DEK: variants seen among roughly 807,000 people sequenced by gnomAD.
DEK encodes the protein protein DEK.
In DEK, 28 loss-of-function variants were observed where a neutral mutation model predicts 46.8. That is an observed-to-expected ratio of 0.60 (90% CI 0.44 to 0.82). DEK has a LOEUF of 0.82. Ranked by LOEUF, DEK falls within the 40% of genes least tolerant of loss-of-function variation. The pLI, the probability that DEK is intolerant of heterozygous loss-of-function variation, is 0.00. For missense variants in DEK, 416 were observed against 430.6 expected (o/e 0.97, Z 0.30); for synonymous variants, 160 against 144.5 (o/e 1.11, Z -0.77).
In DEK at chr6:18,230,893, G is replaced by C. The variant is rs868787009; in HGVS notation, c.1048-4651C>G. The stretch of plus-strand genomic sequence containing the variant: ...CAAGCGGACCTAACAGACATCTACA[G>C]AACTCTCCACCCCAAATCAACAGAA... On this transcript the variant is annotated intron_variant, in intron 9 of 10. Transcript: ENST00000652689. Among the ~76,000 whole-genome samples the C allele has an allele frequency of 1.5e-3, 236 of 152,284 alleles. 5 individuals are homozygous for C. The highest frequency in any genetic ancestry group is 0.014 in the Middle Eastern group (4 of 294).
chr6:18,256,590 C>G (rs1791608089), intron 4 of DEK, 135 bp from the exon 5 acceptor site: 1 of 590,014 alleles, frequency 1.7e-6, no homozygotes, highest in Non-Finnish European at 2.9e-6. Flanking sequence ...AACAGTCAAC[C>G]AATTCAATAT....
intron 2 of DEK, among the ~76,000 whole-genome samples, chr6:18,259,790 T>C (rs374324964): frequency 1.1e-3 from 175 of 152,324 alleles, no homozygotes; most frequent in African/African-American, 4.1e-3. Context: ...GCACGTGTGC[T>C]GGCTTTTAAA....
chr6:18,248,921 G>T (rs1791240480), intron 7 of DEK, among the ~76,000 whole-genome samples: 1 of 152,154 alleles, frequency 6.6e-6, no homozygotes, highest in South Asian at 2.1e-4. Context: ...AATCTATAGA[G>T]CAAGTTCCAA....
At position 18,224,069 on chromosome 6, in the gene DEK, G is replaced by A. The variant is rs1300707147; in HGVS notation, c.*1650C>T. 1.3e-5 allele frequency: 2 copies of A among 159,670 alleles called. No homozygotes were observed. Among genetic ancestry groups the A allele is most frequent in the Non-Finnish European group, 2.8e-5 (2 of 72,538 alleles). 9.9% of individuals were successfully genotyped at this position (159,670 alleles called of 1,614,324 possible). On this transcript the variant is annotated 3_prime_UTR_variant, in exon 11 of 11. Transcript: ENST00000652689. Reference sequence around the variant, plus strand: ...TTACCACAAAAGAGTATTCCAAATTGTATAGGTTATAGGGCTGAATCAATT... The same window carrying A: ...TTACCACAAAAGAGTATTCCAAATTATATAGGTTATAGGGCTGAATCAATT...
At chr6:18,230,145 G>A (rs1243053116) in intron 9 of DEK, among the ~76,000 whole-genome samples, 1 of 152,038 alleles carries the variant, frequency 6.6e-6, no homozygotes. Flanking sequence ...ATAAGTGAAG[G>A]AGAAATAAAA....
chr6:18,241,853 C>T (rs961845948), intron 7 of DEK, among the ~76,000 whole-genome samples: 3 of 152,130 alleles, frequency 2.0e-5, no homozygotes, highest in African/African-American at 7.2e-5. Flanking sequence ...GGCTACACTG[C>T]CTGCTGATTC....
At chr6:18,230,178 T>C (rs2151077392) in intron 9 of DEK, among the ~76,000 whole-genome samples, 3 of 152,276 alleles carry the variant, frequency 2.0e-5, no homozygotes, top group Admixed American at 2.0e-4. Context: ...AAGCAAATGC[T>C]GAGAGATTTT....
intron 7 of DEK, among the ~76,000 whole-genome samples, chr6:18,240,754 A>C (rs1286991516): frequency 6.6e-6 from 1 of 152,216 alleles, no homozygotes; most frequent in Non-Finnish European, 1.5e-5. Context: ...CCAGAGGTTC[A>C]AGACCAGCCT....
chr6:18,234,036 A>G (rs1278240911), intron 9 of DEK, among the ~76,000 whole-genome samples: 3 of 152,138 alleles, frequency 2.0e-5, no homozygotes, highest in Non-Finnish European at 4.4e-5. Context: ...TGTCCTTTGT[A>G]GGGACATGGA....
intron 9 of DEK, among the ~76,000 whole-genome samples, chr6:18,230,443 A>G (rs1187042892): frequency 1.3e-5 from 2 of 152,222 alleles, no homozygotes; most frequent in African/African-American, 4.8e-5. Context: ...CAAACTGGAT[A>G]AAGAGTCAAG....
chr6:18,250,613 C>G (rs1791334146), intron 6 of DEK, among the ~76,000 whole-genome samples: 1 of 90,006 alleles, frequency 1.1e-5, no homozygotes, highest in South Asian at 4.0e-4. Context: ...GAGTCTCATT[C>G]TGTTGTGCAG....
intron 6 of DEK, among the ~76,000 whole-genome samples, chr6:18,253,453 T>C (rs191048144): frequency 5.3e-5 from 8 of 152,310 alleles, no homozygotes; most frequent in East Asian, 1.9e-4. Flanking sequence ...CATGATTTAA[T>C]GACAGTGTTC....
intron 6 of DEK, among the ~76,000 whole-genome samples, chr6:18,253,182 C>T (rs927515021): frequency 6.6e-6 from 1 of 151,840 alleles, no homozygotes; most frequent in African/African-American, 2.4e-5. Context: ...TTACTGCAAG[C>T]TTCACCTCCC....
At chr6:18,254,525 T>A (rs1332975938) in intron 6 of DEK, among the ~76,000 whole-genome samples, 1 of 152,194 alleles carries the variant, frequency 6.6e-6, no homozygotes, top group African/African-American at 2.4e-5. Flanking sequence ...AAAATAAAAA[T>A]TTTTCAGTTC....
chr6:18,233,915 C>T lies in DEK; in HGVS notation c.1047+2537G>A, dbSNP rs560075181. On this transcript the variant is annotated intron_variant, in intron 9 of 10. Transcript: ENST00000652689. ...TGCACATGTTATGTTTATTGCGGCACTATTCACAATAGCAAAGACTTGGAA... is the reference window on the plus strand; with the variant it reads ...TGCACATGTTATGTTTATTGCGGCATTATTCACAATAGCAAAGACTTGGAA... 6.6e-5 allele frequency among the ~76,000 whole-genome samples: 10 copies of T among 152,216 alleles called. No homozygotes were observed. The South Asian group carries it at 2.1e-3, about 32-fold the overall frequency.
At chr6:18,236,407 A>G in intron 9 of DEK, 45 bp downstream of exon 9, 1 of 1,586,974 alleles carries the variant, frequency 6.3e-7, no homozygotes. Flanking sequence ...AAGTGAAAGA[A>G]TTTTTCTAGC....
At chr6:18,233,019 G>A (rs965390012) in intron 9 of DEK, among the ~76,000 whole-genome samples, 1 of 152,130 alleles carries the variant, frequency 6.6e-6, no homozygotes, top group African/African-American at 2.4e-5. Context: ...CAATGGAACA[G>A]AACAGAGCCC....
At chr6:18,252,744 C>T (rs1582287841) in intron 6 of DEK, among the ~76,000 whole-genome samples, 1 of 152,108 alleles carries the variant, frequency 6.6e-6, no homozygotes, top group Non-Finnish European at 1.5e-5. Context: ...TATTTATCTG[C>T]TCTTTTCACT....
At chr6:18,264,066 G>A in intron 1 of DEK, 70 bp from the exon 2 acceptor site, 2 of 1,413,590 alleles carry the variant, frequency 1.4e-6, no homozygotes, top group East Asian at 4.9e-5. Context: ...CGGCCACCCT[G>A]AATGATGCTA....
Sources: gnomAD v4.1 joint callset for allele counts (sites outside exome capture counted in the v4.1 genomes callset) on GRCh38, gnomAD v4.1.1 for gene constraint, MANE v1.5 for transcripts, NCBI Gene and HGNC (gene_info 2026-07-23, HGNC 2026-07-21) for gene names.